PPP1R1C: variants seen among roughly 807,000 people sequenced by gnomAD.
PPP1R1C encodes protein phosphatase 1 regulatory inhibitor subunit 1C.
PPP1R1C carries 15 observed loss-of-function variants against 17.4 expected under a neutral mutation model. The observed-to-expected ratio is 0.86, with a 90% CI of 0.58 to 1.33. PPP1R1C has a LOEUF of 1.33. Ranked by LOEUF, PPP1R1C falls within the 40% of genes most tolerant of loss-of-function variation. PPP1R1C has a pLI of 0.00. For missense variants in PPP1R1C, 143 were observed against 130.0 expected, an observed-to-expected ratio of 1.10 and a Z score of -0.48; for synonymous variants, 35 against 43.1, an observed-to-expected ratio of 0.81 and a Z score of 0.73.
intron 2 of PPP1R1C, among the ~76,000 whole-genome samples, chr2:182,022,057 T>C (rs184726093): frequency 5.3e-5 from 8 of 152,070 alleles, no homozygotes; most frequent in Admixed American, 5.2e-4. Flanking sequence ...TTTCTTTCAG[T>C]CATGATCTAA....
chr2:182,063,880 A>C (rs1277967643), intron 4 of PPP1R1C, 89 bp downstream of exon 4: 3 of 933,838 alleles, frequency 3.2e-6, no homozygotes, highest in Non-Finnish European at 5.4e-6. Flanking sequence ...ATCTGATGAT[A>C]AGCTAGATCT....
downstream of PPP1R1C, among the ~76,000 whole-genome samples, chr2:182,120,699 C>G (rs1321197945): frequency 6.6e-6 from 1 of 152,126 alleles, no homozygotes; most frequent in Non-Finnish European, 1.5e-5. Flanking sequence ...TAACATTGCC[C>G]TTCCCTTTCC....
At chr2:182,117,068 A>G (rs918323176) in intron 4 of PPP1R1C, 139 bp from the exon 5 acceptor site, 8 of 667,130 alleles carry the variant, frequency 1.2e-5, no homozygotes, top group African/African-American at 1.8e-5. Context: ...ATATAGGATT[A>G]CATTGTTAAG....
chr2:182,060,670 T>G (rs2125195836), intron 2 of PPP1R1C, among the ~76,000 whole-genome samples: 1 of 152,312 alleles, frequency 6.6e-6, no homozygotes, highest in African/African-American at 2.4e-5. Flanking sequence ...TAAGCAGATA[T>G]TATTTGATGA....
chr2:182,081,668 TA>T (rs537919332), intron 4 of PPP1R1C, among the ~76,000 whole-genome samples: 1,678 of 151,456 alleles, frequency 0.011, 14 homozygotes, highest in South Asian at 0.04. Flanking sequence ...ATGCATTTTG[TA>T]AAAAAAAAGT....
intron 2 of PPP1R1C, among the ~76,000 whole-genome samples, chr2:182,003,405 A>T (rs1245535080): frequency 6.6e-6 from 1 of 151,922 alleles, no homozygotes; most frequent in Non-Finnish European, 1.5e-5. Context: ...CTTTGATAGA[A>T]TTTTTTTTCT....
At chr2:182,016,103 T>C (rs2125159392) in intron 2 of PPP1R1C, among the ~76,000 whole-genome samples, 1 of 152,300 alleles carries the variant, frequency 6.6e-6, no homozygotes, top group South Asian at 2.1e-4. Context: ...TTCCAGCCAC[T>C]GGGATGAGTG....
At chr2:182,042,563 C>T (rs890850441) in intron 2 of PPP1R1C, among the ~76,000 whole-genome samples, 3 of 152,122 alleles carry the variant, frequency 2.0e-5, no homozygotes, top group Non-Finnish European at 4.4e-5. Context: ...GAACTGTCCC[C>T]CAAGAGCATT....
chr2:182,127,910 AAT>A (rs1396925558), intron 5 of PPP1R1C, among the ~76,000 whole-genome samples: 1 of 152,038 alleles, frequency 6.6e-6, no homozygotes, highest in East Asian at 1.9e-4. Context: ...AGGAGTTAAA[AAT>A]ATTAACATTC....
At chr2:182,070,696 T>C (rs1688114803) in intron 4 of PPP1R1C, among the ~76,000 whole-genome samples, 3 of 152,208 alleles carry the variant, frequency 2.0e-5, no homozygotes, top group Admixed American at 2.0e-4. Context: ...AGTTCTTGCA[T>C]TGCTATAAAG....
At chr2:182,030,496 C>G (rs1424979992) in intron 2 of PPP1R1C, among the ~76,000 whole-genome samples, 1 of 150,604 alleles carries the variant, frequency 6.6e-6, no homozygotes, top group African/African-American at 2.4e-5. Flanking sequence ...TGTGCCCCTG[C>G]TGGGGGGTGC....
intron 1 of PPP1R1C, among the ~76,000 whole-genome samples, chr2:181,970,508 G>T (rs577944035): frequency 3.9e-5 from 6 of 152,210 alleles, no homozygotes; most frequent in Middle Eastern, 3.4e-3. Context: ...TTTTCTCTCA[G>T]TGCCGAGCTG....
rs568500802 is a variant in PPP1R1C, at chr2:181,978,241, A to G, written n.157+2977A>G. On this transcript the variant is annotated intron_variant and non_coding_transcript_variant, in intron 2 of 5. Coordinates refer to the PPP1R1C transcript ENST00000464264. ...GCCCTGCCCTTAACACATGGGGATTATCACAATTCAGAGTGAGATTTGGTG... is the reference window on the plus strand; with the variant it reads ...GCCCTGCCCTTAACACATGGGGATTGTCACAATTCAGAGTGAGATTTGGTG... Among the ~76,000 whole-genome samples the G allele has an allele frequency of 3.3e-5, 5 of 152,348 alleles. No homozygotes were observed. In the East Asian group the frequency reaches 9.6e-4, roughly 29 times the overall value.
In PPP1R1C at chr2:181,957,718, C is replaced by T. The variant is rs1231835081; in HGVS notation, n.111+3084C>T. ...TTAGGAATCTGTCTCCCATGCCCCA[C>T]TCAGCTCCCCTTTCCTTGCAAGGCT... On this transcript the variant is annotated intron_variant and non_coding_transcript_variant, in intron 1 of 5. Transcript: ENST00000464264. The surrounding 1 kb of genome is among the most constrained non-coding windows in gnomAD (Gnocchi z 4.2). Among the ~76,000 whole-genome samples, 2 of 152,196 alleles carry T rather than the reference C, an allele frequency of 1.3e-5. No individual in the cohort carries two copies. The highest frequency in any genetic ancestry group is 4.8e-5 in the African/African-American group (2 of 41,456).
intron 2 of PPP1R1C, among the ~76,000 whole-genome samples, chr2:182,030,276 G>A (rs1386693422): frequency 6.6e-6 from 1 of 152,224 alleles, no homozygotes; most frequent in African/African-American, 2.4e-5. Context: ...TCCTTTGGAG[G>A]AGGAGAGGCA....
chr2:182,104,141 G>C (rs1276231648), intron 4 of PPP1R1C, among the ~76,000 whole-genome samples: 2 of 152,070 alleles, frequency 1.3e-5, no homozygotes, highest in East Asian at 3.8e-4. Context: ...AGATCATGTT[G>C]TCTGCAAACA....
intron 4 of PPP1R1C, among the ~76,000 whole-genome samples, chr2:182,092,620 A>G (rs1688813662): frequency 6.6e-6 from 1 of 152,192 alleles, no homozygotes; most frequent in African/African-American, 2.4e-5. Flanking sequence ...TACTTCCTAG[A>G]TCTAATGGCG....
At chr2:182,000,738 G>A (rs1180885866) in intron 2 of PPP1R1C, among the ~76,000 whole-genome samples, 1 of 152,124 alleles carries the variant, frequency 6.6e-6, no homozygotes, top group African/African-American at 2.4e-5. Flanking sequence ...TAAGCTTGGT[G>A]GGCTTAATCA....
intron 4 of PPP1R1C, among the ~76,000 whole-genome samples, chr2:182,096,063 T>C (rs1688925552): frequency 6.6e-6 from 1 of 150,982 alleles, no homozygotes; most frequent in East Asian, 1.9e-4. Context: ...AAAAGCATAA[T>C]ACATTTATTT....
Sources: allele counts gnomAD v4.1 joint callset (sites outside exome capture counted in the v4.1 genomes callset), GRCh38; gene constraint gnomAD v4.1.1; non-coding constraint Gnocchi (gnomAD v3.1); transcripts MANE v1.5; gene names NCBI Gene and HGNC (gene_info 2026-07-23, HGNC 2026-07-21).